Variants in NLRP7 observed in about 807,000 individuals in gnomAD.
NLRP7 encodes the protein NACHT, LRR and PYD domains-containing protein 7.
NLRP7 carries 72 observed loss-of-function variants against 85.5 expected under a neutral mutation model. The ratio of observed to expected loss-of-function variants is 0.84; its 90% CI spans 0.70 to 1.02. The LOEUF (loss-of-function observed/expected upper bound fraction) is 1.02, where lower values mean the gene tolerates loss of function less well. Ranked by LOEUF, NLRP7 falls within the 50% of genes least tolerant of loss-of-function variation. The pLI, the probability that NLRP7 is intolerant of heterozygous loss-of-function variation, is 0.00. For missense variants in NLRP7, 1,243 were observed against 1,219.5 expected (o/e 1.02, Z -0.29); for synonymous variants, 550 against 505.2 (o/e 1.09, Z -1.19).
At chr19:54,928,121 G>A (rs991562449) in intron 9 of NLRP7, among the ~76,000 whole-genome samples, 3 of 152,144 alleles carry the variant, frequency 2.0e-5, no homozygotes, top group Non-Finnish European at 4.4e-5. Flanking sequence ...TTGGGAGGCT[G>A]AGGCACAAGA....
At chr19:54,924,718 C>G (rs984218652) in intron 9 of NLRP7, among the ~76,000 whole-genome samples, 1 of 152,028 alleles carries the variant, frequency 6.6e-6, no homozygotes, top group Non-Finnish European at 1.5e-5. Context: ...GGCAGATCAC[C>G]TGAGGTCAGG....
intron 8 of NLRP7, among the ~76,000 whole-genome samples, chr19:54,931,259 T>A (rs2068664676): frequency 6.6e-6 from 1 of 151,228 alleles, no homozygotes; most frequent in South Asian, 2.1e-4. Context: ...CCATCTCTAC[T>A]AAAAAATACA....
chr19:54,946,484 C>A (rs1293303585), intron 1 of NLRP7, among the ~76,000 whole-genome samples: 1 of 151,422 alleles, frequency 6.6e-6, no homozygotes, highest in Admixed American at 6.6e-5. Context: ...CGTGAGCCAC[C>A]GCGCCCAGCC....
At chr19:54,927,154 C>T (rs1027400936) in intron 9 of NLRP7, among the ~76,000 whole-genome samples, 6 of 151,044 alleles carry the variant, frequency 4.0e-5, no homozygotes, top group East Asian at 2.0e-4. Flanking sequence ...TTTGGGAGGC[C>T]GAGGCAGGTG....
chr19:54,949,534 G>A (rs577962204), upstream of NLRP7, among the ~76,000 whole-genome samples: 2 of 152,286 alleles, frequency 1.3e-5, no homozygotes, highest in African/African-American at 4.8e-5. Flanking sequence ...AGATAAACAT[G>A]AAAGAGGTAT....
exon 4 of NLRP7, chr19:54,939,388 G>A (rs2069102495): frequency 6.2e-7 from 1 of 1,614,152 alleles, no homozygotes; most frequent in African/African-American, 1.3e-5. Flanking sequence ...CGTAGAACAG[G>A]GCAGTGAGAA....
At chr19:54,938,100 A>G (rs1317529275) in exon 5 of NLRP7, 1 of 1,614,154 alleles carries the variant, frequency 6.2e-7, no homozygotes, top group African/African-American at 1.3e-5. Flanking sequence ...GAATCCGCAC[A>G]GAAGAGTCAC....
upstream of NLRP7, chr19:54,947,556 G>A (rs2069528889): frequency 7.8e-7 from 1 of 1,289,702 alleles, no homozygotes; most frequent in South Asian, 1.2e-5. Context: ...TGGTACGCTA[G>A]GTGGAGAGAC....
chr19:54,927,569 CA>C, intron 9 of NLRP7, 35 bp downstream of exon 10: 1 of 1,532,382 alleles, frequency 6.5e-7, no homozygotes, highest in South Asian at 1.2e-5. Context: ...AAAACAAAAA[CA>C]AAAAACAAAA....
intron 1 of NLRP7, among the ~76,000 whole-genome samples, chr19:54,952,693 C>G (rs1345010264): frequency 6.6e-6 from 1 of 152,078 alleles, no homozygotes; most frequent in Non-Finnish European, 1.5e-5. Context: ...ACTTCCTTCT[C>G]TTCTGCAACA....
exon 4 of NLRP7, chr19:54,940,026 G>A (rs2146221082): frequency 6.2e-7 from 1 of 1,614,170 alleles, no homozygotes. Flanking sequence ...TCCTGGATCA[G>A]CGCCCCAGGT....
At chr19:54,961,852 G>A (rs930506249) in intron 1 of NLRP7, among the ~76,000 whole-genome samples, 1 of 150,998 alleles carries the variant, frequency 6.6e-6, no homozygotes, top group Non-Finnish European at 1.5e-5. Context: ...AATTATGGTA[G>A]GGTGTCCATA....
In NLRP7 at chr19:54,940,298, A is replaced by T. The variant is rs371571824; in HGVS notation, c.521T>A (p.Val174Glu). ...CACGCCTGCGGGGCCGTGCAGCACC[A>T]CCGTGTAAGGTGTTAGCTTCCTGGG... Residue 174 changes from valine to glutamate, a missense_variant, in exon 4 of 10, where the codon GTG (valine) becomes GAG (glutamate). Physicochemically the swap from Val to Glu is moderately radical, Grantham distance 121. This residue lies in a region of NLRP7 where 591 missense variants were observed against 563.3 expected (regional missense o/e 1.05). Coordinates refer to ENST00000340844, the Ensembl canonical transcript of NLRP7. The T allele has an allele frequency of 3.1e-6, 5 of 1,614,074 alleles. No homozygotes were observed. The African/African-American group carries it at 6.7e-5, about 22-fold the overall frequency.
chr19:54,961,040 C>A (rs1306409449), intron 1 of NLRP7, among the ~76,000 whole-genome samples: 1 of 151,990 alleles, frequency 6.6e-6, no homozygotes, highest in African/African-American at 2.4e-5. Flanking sequence ...GTGTTTGTTG[C>A]ACTGATGGAA....
At position 54,934,505 on chromosome 19, in the gene NLRP7, A is replaced by C; in HGVS notation, c.2455T>G (p.Phe819Val). Reference sequence around the variant, plus strand: ...GAGACTTACGACAACATCTGCAGGAAGTGTTTTGGGCGTGTCATGGTCTTG... The same window carrying C: ...GAGACTTACGACAACATCTGCAGGACGTGTTTTGGGCGTGTCATGGTCTTG... The change falls in exon 7 of 10, where the codon TTC becomes GTC. Residue 819 changes from phenylalanine to valine, a missense_variant. Transcript: ENST00000340844. The surrounding 1 kb of genome is among the most constrained non-coding windows in gnomAD (Gnocchi z 6.7). 6.2e-7 allele frequency: 1 copy of C among 1,614,110 alleles called. No individual in the cohort carries two copies. The highest frequency in any genetic ancestry group is 8.5e-7 in the Non-Finnish European group (1 of 1,180,002).
rs7359934 is a variant in NLRP7 at position 54,936,133 on chromosome 19, G to A, written c.2300+128C>T. Reference sequence around the variant, plus strand: ...GAGGAGAGGCCGACTCCCCCACACAGGCCTGTTTGAGGAATACATTCCCTG... The same window carrying A: ...GAGGAGAGGCCGACTCCCCCACACAAGCCTGTTTGAGGAATACATTCCCTG... On this transcript the variant is annotated intron_variant, in intron 6 of 9. Transcript: ENST00000340844. 0.19 allele frequency: 151,699 copies of A among 803,232 alleles called. 14,969 individuals are homozygous for A. Among genetic ancestry groups the A allele is most frequent in the South Asian group, 0.22 (14,918 of 69,242 alleles). 49.8% of individuals were successfully genotyped at this position (803,232 alleles called of 1,614,324 possible).
At chr19:54,952,190 G>C (rs1373009723), upstream of NLRP7, among the ~76,000 whole-genome samples, 1 of 152,072 alleles carries the variant, frequency 6.6e-6, no homozygotes, top group African/African-American at 2.4e-5. Context: ...TAACCAGTTT[G>C]AAGACCCCAG....
At chr19:54,939,072 G>T (rs1420789349) in exon 4 of NLRP7, 2 of 1,614,212 alleles carry the variant, frequency 1.2e-6, no homozygotes, top group Admixed American at 1.7e-5. Context: ...ACCTTCGCCA[G>T]CTCCTCCTCC....
At chr19:54,939,491 G>C in exon 4 of NLRP7, 1 of 1,613,682 alleles carries the variant, frequency 6.2e-7, no homozygotes, top group Non-Finnish European at 8.5e-7. Flanking sequence ...ACGGAGGTCG[G>C]ACTCCTGCAC....
Sources: gnomAD v4.1 joint callset for allele counts (sites outside exome capture counted in the v4.1 genomes callset) on GRCh38, gnomAD v4.1.1 for gene constraint, gnomAD v4.1.1 regional missense constraint, Gnocchi (gnomAD v3.1) non-coding constraint, MANE v1.5 for transcripts, NCBI Gene and HGNC (gene_info 2026-07-23, HGNC 2026-07-21) for gene names.